The following SGSM3 variants were observed in gnomAD, a reference collection of about 807,000 sequenced individuals.
The protein encoded by SGSM3 is RUN and SH3 containing 3.
Under a neutral mutation model 100.5 loss-of-function variants are expected in SGSM3, and 96 were observed. The observed-to-expected ratio is 0.96, with a 90% CI of 0.81 to 1.13. The LOEUF (loss-of-function observed/expected upper bound fraction) is 1.13, where lower values mean the gene tolerates loss of function less well. Among genes scored for constraint, SGSM3 ranks in the 50% most tolerant of loss-of-function variants. SGSM3 has a pLI of 0.00. For synonymous variants in SGSM3, 483 were observed against 422.8 expected, an observed-to-expected ratio of 1.14 and a Z score of -1.75; for missense variants, 1,001 against 1,015.8, an observed-to-expected ratio of 0.99 and a Z score of 0.20.
chr22:40,405,551 A>G, intron 7 of SGSM3, 98 bp from the exon 8 acceptor site: 1 of 1,171,996 alleles, frequency 8.5e-7, no homozygotes, highest in East Asian at 2.4e-5. Flanking sequence ...CGTGCCCCCC[A>G]AGAGGCTTTT....
At chr22:40,408,864 G>A in intron 18 of SGSM3, 22 bp downstream of exon 18, 2 of 1,613,918 alleles carry the variant, frequency 1.2e-6, no homozygotes, top group Non-Finnish European at 1.7e-6. Flanking sequence ...TCCTCTGCCA[G>A]ACCCTAGAGA....
chr22:40,409,601 C>T (rs1029346558), intron 21 of SGSM3, 76 bp downstream of exon 21: 1 of 1,613,244 alleles, frequency 6.2e-7, no homozygotes, highest in African/African-American at 1.3e-5. Flanking sequence ...AAGGTGGGAA[C>T]CCGAAGTGCT....
intron 1 of SGSM3, among the ~76,000 whole-genome samples, chr22:40,384,127 C>G (rs1466867314): frequency 6.6e-6 from 1 of 152,100 alleles, no homozygotes; most frequent in Non-Finnish European, 1.5e-5. Flanking sequence ...GCCCGTAGTC[C>G]TAGCTACTCA....
chr22:40,379,747 C>T (rs2047250938), intron 1 of SGSM3, among the ~76,000 whole-genome samples: 1 of 152,124 alleles, frequency 6.6e-6, no homozygotes, highest in Admixed American at 6.5e-5. Context: ...CTCACTTTGT[C>T]ACCCAGGCTG....
intron 1 of SGSM3, among the ~76,000 whole-genome samples, chr22:40,396,525 G>A: frequency 6.6e-6 from 1 of 151,026 alleles, no homozygotes; most frequent in Admixed American, 6.6e-5. Context: ...CCTGGGAGGT[G>A]GAGGTTGCAG....
rs573861020 is a variant in SGSM3 at position 40,400,079 on chromosome 22, G to C, written c.-111-617G>C. ...GCTTCTCACTTACCTAATTCTTCCC[G>C]ATTTATCTAGAATTCCCAACACCAG... is the stretch of plus-strand genomic sequence containing the variant. On this transcript the variant is annotated intron_variant, in intron 1 of 21. Coordinates refer to ENST00000248929, the MANE Select transcript of SGSM3 (RefSeq NM_015705.6). Among the ~76,000 whole-genome samples, 5 of 152,214 alleles carry C rather than the reference G, an allele frequency of 3.3e-5. No homozygotes were observed. In the East Asian group the frequency reaches 5.8e-4, roughly 18 times the overall value.
intron 1 of SGSM3, among the ~76,000 whole-genome samples, chr22:40,385,049 G>C (rs2048204080): frequency 6.6e-6 from 1 of 152,162 alleles, no homozygotes; most frequent in Non-Finnish European, 1.5e-5. Context: ...CAGTTAAATA[G>C]AGAAGAAAAA....
At chr22:40,377,150 T>C (rs1304168261) in intron 1 of SGSM3, among the ~76,000 whole-genome samples, 1 of 152,232 alleles carries the variant, frequency 6.6e-6, no homozygotes, top group Non-Finnish European at 1.5e-5. Flanking sequence ...CAGGTTCTTC[T>C]GGGGATAACA....
chr22:40,405,764 A>G lies in SGSM3; in HGVS notation c.734A>G (p.Gln245Arg). The G allele has an allele frequency of 6.2e-7, 1 of 1,613,698 alleles. No homozygotes were observed. Among genetic ancestry groups the G allele is most frequent in the Non-Finnish European group, 8.5e-7 (1 of 1,179,966 alleles). The change falls in exon 8 of 22, where the codon CAG becomes CGG. Residue 245 changes from glutamine (Q) to arginine (R), a missense_variant. Physicochemically the swap from Gln to Arg is conservative, Grantham distance 43 (BLOSUM62 1). Transcript: ENST00000248929. The stretch of plus-strand genomic sequence containing the variant: ...TTCAGCACCACCCTGCTGGGTGTCC[A>G]GACTGACCAGCGGGTCCTGCGCCAC... ...SYFSTTLLGV[Q>R]TDQRVLRHLI...
intron 1 of SGSM3, among the ~76,000 whole-genome samples, chr22:40,373,977 C>T (rs1358066291): frequency 6.6e-6 from 1 of 150,786 alleles, no homozygotes; most frequent in Non-Finnish European, 1.5e-5. Context: ...GAGACGGAGT[C>T]TCCCTCTGTC....
rs1407213399 is a variant in SGSM3, at chr22:40,410,225, C to G, written c.*466C>G. On this transcript the variant is annotated 3_prime_UTR_variant, in exon 22 of 22. Transcript: ENST00000248929. The stretch of plus-strand genomic sequence containing the variant: ...TGGCCCCTCAGATGCTGGGACACAA[C>G]AGACCCGGGACCCAGCTGTGCTACC... 9.5e-7 allele frequency: 1 copy of G among 1,047,968 alleles called. No homozygotes were observed. Among genetic ancestry groups the G allele is most frequent in the East Asian group, 5.4e-5 (1 of 18,478 alleles). 64.9% of individuals were successfully genotyped at this position (1,047,968 alleles called of 1,614,324 possible).
intron 6 of SGSM3, 54 bp from the exon 7 acceptor site, chr22:40,405,087 C>G: frequency 1.4e-6 from 2 of 1,463,312 alleles, no homozygotes; most frequent in Non-Finnish European, 1.8e-6. Context: ...GTCTGCCTCC[C>G]TCCCAGGGTG....
At chr22:40,386,935 A>G (rs2048559484) in intron 1 of SGSM3, among the ~76,000 whole-genome samples, 1 of 152,092 alleles carries the variant, frequency 6.6e-6, no homozygotes, top group Non-Finnish European at 1.5e-5. Context: ...TTTCACACAC[A>G]AAAAATTTTT....
At chr22:40,409,647 A>C (rs1367670122) in intron 21 of SGSM3, 35 bp from the exon 22 acceptor site, 1 of 1,613,154 alleles carries the variant, frequency 6.2e-7, no homozygotes, top group South Asian at 1.1e-5. Flanking sequence ...AGCCATGCCC[A>C]AGGCCTGTGA....
Position 40,407,215 on chromosome 22 carries a change from G to C in SGSM3, c.1255G>C (p.Glu419Gln), listed in dbSNP as rs1457910759. The change falls in exon 12 of 22, where the codon GAG becomes CAG. Residue 419 changes from glutamate (E) to glutamine (Q), a missense_variant. By Grantham distance (29) the Glu-to-Gln change is conservative. Transcript: ENST00000248929. This position sits in a 1 kb window ranked among gnomAD's most constrained non-coding sequence, Gnocchi z 4.7. ...TALLFGEDDL[E>Q]ALKAKNIKQT... ...GGGCCTCCTAGGGGAGGATGACCTG[G>C]AGGCACTCAAGGCCAAGAACATCAA... The C allele has an allele frequency of 7.4e-6, 12 of 1,613,670 alleles. No individual in the cohort carries two copies. The East Asian group carries it at 2.0e-4, about 27-fold the overall frequency.
chr22:40,408,764 G>A (rs765601598), intron 17 of SGSM3, 30 bp from the exon 18 acceptor site: 23 of 1,613,840 alleles, frequency 1.4e-5, no homozygotes, highest in South Asian at 2.2e-5. Context: ...ACCCAGCCCC[G>A]GCACCCCAGG....
At chr22:40,375,165 C>T (rs2046341993) in intron 1 of SGSM3, among the ~76,000 whole-genome samples, 1 of 152,262 alleles carries the variant, frequency 6.6e-6, no homozygotes, top group Admixed American at 6.5e-5. Context: ...TCTGCTTTTT[C>T]TAAGTGTGAT....
At position 40,409,008 on chromosome 22, in the gene SGSM3, G is replaced by A. The variant is rs1022313066; in HGVS notation, c.1978G>A (p.Val660Met). 64 of 1,567,518 alleles carry A rather than the reference G, an allele frequency of 4.1e-5. No individual in the cohort carries two copies. Among genetic ancestry groups the A allele is most frequent in the Non-Finnish European group, 4.5e-5 (52 of 1,155,920 alleles). The part of the protein sequence containing the change: ...MDVKLRSLIC[V>M]GLNEQVLHLW... ...TGTGAAGCTCCGCTCACTGATCTGC[G>A]TGGGGCTCAAGTGAGTGTGGAAAAG... Residue 660 changes from valine (V) to methionine (M), a missense_variant, in exon 19 of 22, where the codon GTG (valine) becomes ATG (methionine). Coordinates refer to ENST00000248929, the MANE Select transcript of SGSM3 (RefSeq NM_015705.6).
At position 40,409,867 on chromosome 22, in the gene SGSM3, A is replaced by G. The variant is rs1045048199; in HGVS notation, c.*108A>G. ...CCAGAGCCCTGGCCGGGGCCGCGGG[A>G]TATCAATATCAGGCTGCCCCACTCC... is the stretch of plus-strand genomic sequence containing the variant. On this transcript the variant is annotated 3_prime_UTR_variant, in exon 22 of 22. Transcript: ENST00000248929. The G allele has an allele frequency of 2.7e-6, 4 of 1,470,086 alleles. No individual in the cohort carries two copies. The highest frequency in any genetic ancestry group is 2.5e-5 in the Admixed American group (1 of 39,848). 91.1% of individuals were successfully genotyped at this position (1,470,086 alleles called of 1,614,324 possible). A position where few individuals can be genotyped will look rare whatever the true frequency, so the allele number is the denominator to read the frequency against.
Sources: allele counts gnomAD v4.1 joint callset (sites outside exome capture counted in the v4.1 genomes callset), GRCh38; gene constraint gnomAD v4.1.1; non-coding constraint Gnocchi (gnomAD v3.1); transcripts MANE v1.5; gene names NCBI Gene and HGNC (gene_info 2026-07-23, HGNC 2026-07-21).